Variants in MTMR1 observed in about 807,000 individuals in gnomAD.
MTMR1 encodes the protein phosphatidylinositol-3-phosphate phosphatase MTMR1.
MTMR1 carries 17 observed loss-of-function variants against 51.6 expected under a neutral mutation model. The observed-to-expected ratio is 0.33, with a 90% CI of 0.23 to 0.49. MTMR1 has a LOEUF of 0.49. MTMR1 is among the 20% of genes least tolerant of loss of function. The probability of loss-of-function intolerance (pLI) is 0.99; values close to 1 mark genes in which losing one functional copy is unlikely to be tolerated. For missense variants in MTMR1, 386 were observed against 526.9 expected (o/e 0.73, Z 2.62); for synonymous variants, 201 against 205.6 (o/e 0.98, Z 0.19).
At chrX:150,699,113 G>A (rs1375113748) in intron 1 of MTMR1, 82 bp from the exon 2 acceptor site, 2 of 502,183 alleles carry the variant, frequency 4.0e-6, no homozygotes, top group East Asian at 4.0e-5. Flanking sequence ...AAAAAGAAGT[G>A]TTATCATATT....
rs570541620 is a variant in MTMR1 at position 150,731,816 on chromosome X, G to A, written c.891+197G>A. Among the ~76,000 whole-genome samples the A allele has an allele frequency of 1.3e-4, 15 of 111,653 alleles. No individual in the cohort carries two copies. The South Asian group carries it at 4.5e-3, about 33-fold the overall frequency. On this transcript the variant is annotated intron_variant, in intron 9 of 15. Coordinates refer to ENST00000445323, the MANE Select transcript of MTMR1 (RefSeq NM_001306144.3). Reference sequence around the variant, plus strand: ...TGTTTGCTATGACTCCCTCTTTTACGATTTCCTATAACTAAGTATAAGGGG... The same window carrying A: ...TGTTTGCTATGACTCCCTCTTTTACAATTTCCTATAACTAAGTATAAGGGG...
chrX:150,737,618 G>T (rs186427045), intron 12 of MTMR1, among the ~76,000 whole-genome samples, 170 bp downstream of exon 12: 90 of 112,353 alleles, frequency 8.0e-4, no homozygotes, highest in Non-Finnish European at 1.3e-3. Flanking sequence ...CTCAGGCATT[G>T]TATGTTCCTC....
chrX:150,695,927 T>G (rs1485155992), intron 1 of MTMR1, among the ~76,000 whole-genome samples: 1 of 111,573 alleles, frequency 9.0e-6, no homozygotes, highest in Non-Finnish European at 1.9e-5. Context: ...CATTCAGATG[T>G]GAGGGGGGAG....
intron 7 of MTMR1, 129 bp from the exon 8 acceptor site, chrX:150,730,396 C>A: frequency 1.9e-6 from 1 of 537,358 alleles, no homozygotes; most frequent in Non-Finnish European, 2.9e-6. Flanking sequence ...TACTTTGTTG[C>A]TGTAAAATTT....
At chrX:150,757,407 C>T (rs893194781) in intron 15 of MTMR1, among the ~76,000 whole-genome samples, 3 of 112,781 alleles carry the variant, frequency 2.7e-5, no homozygotes, top group Non-Finnish European at 3.7e-5. Context: ...TATTTTGTTC[C>T]ACAAAGCTTC....
In MTMR1 at chrX:150,755,692, G is replaced by T. The variant is rs1449040618; in HGVS notation, c.1684G>T (p.Val562Leu). Reference sequence around the variant, plus strand: ...AATGTTCTTTTTTGTTTTTCAGGATGTATATACAAAGACGATATCTTTATG... The same window carrying T: ...AATGTTCTTTTTTGTTTTTCAGGATTTATATACAAAGACGATATCTTTATG... ...NCEQQRFKED[V>L]YTKTISLWSY... is the part of the protein sequence containing the mutation. Residue 562 changes from valine (V) to leucine (L), a missense_variant, in exon 15 of 16, where the codon GTA (valine) becomes TTA (leucine). Physicochemically the swap from Val to Leu is conservative, Grantham distance 32. Coordinates refer to ENST00000445323, the MANE Select transcript of MTMR1 (RefSeq NM_001306144.3). 1.7e-6 allele frequency: 2 copies of T among 1,169,094 alleles called. No homozygotes were observed. Among genetic ancestry groups the T allele is most frequent in the Non-Finnish European group, 1.1e-6 (1 of 877,352 alleles).
chrX:150,742,361 G>A (rs2042446599), intron 12 of MTMR1, among the ~76,000 whole-genome samples: 1 of 111,718 alleles, frequency 9.0e-6, no homozygotes, highest in Admixed American at 9.5e-5. Flanking sequence ...TAAAAATATG[G>A]TATTATAGCC....
At chrX:150,749,071 T>C (rs1557417528) in intron 13 of MTMR1, among the ~76,000 whole-genome samples, 1 of 112,458 alleles carries the variant, frequency 8.9e-6, no homozygotes, top group African/African-American at 3.2e-5. Context: ...AATATTCTGA[T>C]GGGATTCCTT....
intron 13 of MTMR1, among the ~76,000 whole-genome samples, chrX:150,749,191 G>C (rs1439606181): frequency 1.8e-5 from 2 of 112,333 alleles, no homozygotes; most frequent in African/African-American, 6.5e-5. Flanking sequence ...TAATAGCCTG[G>C]TGAAGAAAAC....
At chrX:150,750,340 C>T (rs1557417556) in intron 13 of MTMR1, among the ~76,000 whole-genome samples, 2 of 112,171 alleles carry the variant, frequency 1.8e-5, no homozygotes, top group African/African-American at 6.5e-5. Flanking sequence ...GGGCTCCCCT[C>T]ATTTGTTTCC....
At position 150,714,550 on chromosome X, in the gene MTMR1, A is replaced by G. The variant is rs868978404; in HGVS notation, c.276+2185A>G. 7 of 967,368 alleles carry G rather than the reference A, an allele frequency of 7.2e-6. No individual in the cohort carries two copies. In the Middle Eastern group the frequency reaches 1.5e-3, roughly 207 times the overall value. The allele number at this position is 967,368 out of a possible 1,213,427, so 79.7% of individuals were successfully genotyped here. A position where few individuals can be genotyped will look rare whatever the true frequency, so the allele number is the denominator to read the frequency against. On this transcript the variant is annotated intron_variant, in intron 3 of 15. Transcript: ENST00000445323. The stretch of plus-strand genomic sequence containing the variant: ...ATCAGGTGGCAAGTTCTACGTGTTC[A>G]TCTGTTTGTAGCTACAGATCGTGTA...
chrX:150,699,178 C>T lies in MTMR1; in HGVS notation c.147-17C>T, dbSNP rs782546545. On this transcript the variant is annotated splice_polypyrimidine_tract_variant and intron_variant, in intron 1 of 15. Transcript: ENST00000445323. ...TCCTATGATATAACGTTTTGTAATCCATGCTATTTTTTTTAGTCCCACAGG... is the reference window on the plus strand; with the variant it reads ...TCCTATGATATAACGTTTTGTAATCTATGCTATTTTTTTTAGTCCCACAGG... 4.6e-6 allele frequency: 5 copies of T among 1,088,778 alleles called. No individual in the cohort carries two copies. The highest frequency in any genetic ancestry group is 6.2e-6 in the Non-Finnish European group (5 of 801,024). 89.7% of individuals were successfully genotyped at this position (1,088,778 alleles called of 1,213,427 possible). A position where few individuals can be genotyped will look rare whatever the true frequency, so the allele number is the denominator to read the frequency against.
rs1251838535 is a variant in MTMR1, at chrX:150,759,925, G to A, written c.1858-2640G>A. ...CTGCCCAGTGCGTGTAGTTGTGGAA[G>A]GATGCCCCCGACAGGGCCAGATCCC... On this transcript the variant is annotated intron_variant, in intron 15 of 15. Coordinates refer to ENST00000445323, the MANE Select transcript of MTMR1 (RefSeq NM_001306144.3). Among the ~76,000 whole-genome samples, 3 of 109,478 alleles carry A rather than the reference G, an allele frequency of 2.7e-5. 1 individual carries two copies. The Middle Eastern group carries it at 0.013, about 462-fold the overall frequency.
At chrX:150,758,935 A>G (rs1164189002) in intron 15 of MTMR1, among the ~76,000 whole-genome samples, 9 of 112,635 alleles carry the variant, frequency 8.0e-5, no homozygotes, top group Admixed American at 7.5e-4. Context: ...TCCCCAGATG[A>G]GAACTGAGTT....
At chrX:150,747,508 A>G (rs1569565746) in intron 13 of MTMR1, among the ~76,000 whole-genome samples, 2 of 111,583 alleles carry the variant, frequency 1.8e-5, no homozygotes, top group Non-Finnish European at 3.8e-5. Context: ...TGTGCTATGT[A>G]TTTTCGGAAA....
At chrX:150,702,575 G>A (rs2040955381) in intron 2 of MTMR1, among the ~76,000 whole-genome samples, 2 of 111,929 alleles carry the variant, frequency 1.8e-5, no homozygotes, top group Middle Eastern at 4.6e-3. Flanking sequence ...TAAGAATATC[G>A]CTGGTATCAC....
chrX:150,736,868 G>C, intron 11 of MTMR1, 88 bp downstream of exon 11: 2 of 898,791 alleles, frequency 2.2e-6, no homozygotes, highest in Non-Finnish European at 3.0e-6. Context: ...GTGCCTCTTG[G>C]CTGTGTGCAT....
At chrX:150,742,816 C>CAAAA (rs1159891625) in intron 12 of MTMR1, among the ~76,000 whole-genome samples, 131 of 19,686 alleles carry the variant, frequency 6.7e-3, no homozygotes, top group Middle Eastern at 0.026. Context: ...GACTCCATCT[C>CAAAA]AAAAAAAAAA....
In MTMR1 at chrX:150,702,513, A is replaced by G. The variant is rs183877704; in HGVS notation, c.252+3213A>G. 9.8e-5 allele frequency among the ~76,000 whole-genome samples: 11 copies of G among 112,148 alleles called. No individual in the cohort carries two copies. The East Asian group carries it at 2.8e-3, about 28-fold the overall frequency. ...TTGGAGAATAATTATTTTATTATTT[A>G]CTCATATCATAAATTGTCAGTCAGC... On this transcript the variant is annotated intron_variant, in intron 2 of 15. Transcript: ENST00000445323.
Sources: allele counts gnomAD v4.1 joint callset (sites outside exome capture counted in the v4.1 genomes callset), GRCh38; gene constraint gnomAD v4.1.1; transcripts MANE v1.5; gene names NCBI Gene and HGNC (gene_info 2026-07-23, HGNC 2026-07-21).